The following ANKS1B variants were observed in gnomAD, a reference collection of about 807,000 sequenced individuals.
ANKS1B encodes the protein ankyrin repeat and sterile alpha motif domain containing 1B.
In ANKS1B, 36 loss-of-function variants were observed where a neutral mutation model predicts 148.3. The observed-to-expected ratio is 0.24, with a 90% CI of 0.19 to 0.32. The LOEUF is 0.32. Among genes scored for constraint, ANKS1B ranks in the 10% least tolerant of loss-of-function variants. The probability of loss-of-function intolerance (pLI) is 1.00; values close to 1 mark genes in which losing one functional copy is unlikely to be tolerated. For synonymous variants in ANKS1B, 542 were observed against 560.8 expected (o/e 0.97, Z 0.47); for missense variants, 1,157 against 1,542.6 (o/e 0.75, Z 4.19).
intron 17 of ANKS1B, among the ~76,000 whole-genome samples, chr12:99,017,662 A>G (rs1435923619): frequency 6.6e-6 from 1 of 152,112 alleles, no homozygotes; most frequent in African/African-American, 2.4e-5. Flanking sequence ...CTGCCCACCA[A>G]ATTGTCCACA....
chr12:98,957,311 ATATTTATTTATTTATTTATT>A (rs71782750), intron 17 of ANKS1B, among the ~76,000 whole-genome samples: 60,079 of 143,886 alleles, frequency 0.42, 12,787 homozygotes, highest in African/African-American at 0.49. Context: ...TTTTTTTTAA[ATATTTATTTATTTATTTATT>A]TATTTATTTA....
intron 17 of ANKS1B, among the ~76,000 whole-genome samples, chr12:98,983,599 G>A (rs146539986): frequency 4.7e-3 from 709 of 152,258 alleles, no homozygotes; most frequent in African/African-American, 0.016. Context: ...TAGCCAGACT[G>A]GCCCCATGAT....
At chr12:99,982,154 T>C (rs916168455) in intron 1 of ANKS1B, among the ~76,000 whole-genome samples, 22 of 152,120 alleles carry the variant, frequency 1.4e-4, no homozygotes, top group Non-Finnish European at 2.8e-4. Context: ...AAACACATGT[T>C]GTTTACTTTT....
chr12:99,304,200 G>T (rs1297950856), intron 12 of ANKS1B, among the ~76,000 whole-genome samples: 1 of 151,960 alleles, frequency 6.6e-6, no homozygotes, highest in Non-Finnish European at 1.5e-5. Flanking sequence ...ACTGTTTTCG[G>T]TAGTGGTTGT....
rs114237645 is a variant in ANKS1B, at chr12:99,919,592, G to C, written c.134+64512C>G. ...AGCAGGTAGACCCAGCCATAGGAAA[G>C]AAAACTTAAATACTACTCAGCAATA... is the stretch of plus-strand genomic sequence containing the variant. On this transcript the variant is annotated intron_variant, in intron 1 of 26. Coordinates refer to ENST00000683438, the MANE Select transcript of ANKS1B (RefSeq NM_001352186.2). Among the ~76,000 whole-genome samples, 1,324 of 152,232 alleles carry C rather than the reference G, an allele frequency of 8.7e-3. 24 individuals are homozygous for C. The highest frequency in any genetic ancestry group is 0.03 in the African/African-American group (1,258 of 41,546).
At chr12:99,034,266 G>C (rs928801734) in intron 17 of ANKS1B, among the ~76,000 whole-genome samples, 1 of 152,182 alleles carries the variant, frequency 6.6e-6, no homozygotes, top group African/African-American at 2.4e-5. Context: ...AGTAGAGCTT[G>C]GAGGCTATAG....
intron 16 of ANKS1B, among the ~76,000 whole-genome samples, chr12:99,059,788 CATATATAT>C (rs759625732): frequency 2.2e-5 from 2 of 90,322 alleles, no homozygotes; most frequent in Admixed American, 1.4e-4. Flanking sequence ...AACTAAAATT[CATATATAT>C]ATATATATAT....
chr12:99,778,318 G>A (rs1404525025), intron 6 of ANKS1B, among the ~76,000 whole-genome samples: 1 of 151,932 alleles, frequency 6.6e-6, no homozygotes, highest in Non-Finnish European at 1.5e-5. Flanking sequence ...GACCAGACTG[G>A]CCAACATGGT....
At chr12:99,144,307 A>C (rs2072161891) in intron 15 of ANKS1B, among the ~76,000 whole-genome samples, 1 of 150,882 alleles carries the variant, frequency 6.6e-6, no homozygotes, top group South Asian at 2.1e-4. Context: ...TAGGGCTAGA[A>C]AGGTGACAAG....
intron 1 of ANKS1B, among the ~76,000 whole-genome samples, chr12:99,925,084 G>C (rs575090426): frequency 3.3e-5 from 5 of 152,130 alleles, no homozygotes; most frequent in South Asian, 2.1e-4. Context: ...GAGTGCGAGG[G>C]TGGCTGGGGG....
chr12:99,570,280 T>C (rs2097438764), intron 9 of ANKS1B, among the ~76,000 whole-genome samples: 1 of 151,884 alleles, frequency 6.6e-6, no homozygotes, highest in Admixed American at 6.6e-5. Flanking sequence ...ATATGAGCTG[T>C]ATAGCAAATG....
In ANKS1B at chr12:99,637,872, G is replaced by GA. The variant is rs200358106; in HGVS notation, c.1272+17194dup. Among the ~76,000 whole-genome samples the GA allele has an allele frequency of 8.2e-3, 1,225 of 150,260 alleles. 23 individuals are homozygous for GA. Among genetic ancestry groups the GA allele is most frequent in the African/African-American group, 0.029 (1,171 of 40,918 alleles). On this transcript the variant is annotated intron_variant, in intron 9 of 26. Coordinates refer to ENST00000683438, the MANE Select transcript of ANKS1B (RefSeq NM_001352186.2). Reference sequence around the variant, plus strand: ...AGAGAGAGAGAGAGACATAAAGAGAGAAAAAAAGAGAGAGAGATCCTGTTA... The same window carrying GA: ...AGAGAGAGAGAGAGACATAAAGAGAGAAAAAAAAGAGAGAGAGATCCTGTTA...
At chr12:98,821,743 G>A (rs2099194540) in intron 19 of ANKS1B, among the ~76,000 whole-genome samples, 1 of 152,108 alleles carries the variant, frequency 6.6e-6, no homozygotes, top group Non-Finnish European at 1.5e-5. Flanking sequence ...GAGTAGCTGG[G>A]ATTACAGACA....
At position 99,623,478 on chromosome 12, in the gene ANKS1B, A is replaced by AGAGG. The variant is rs544074702; in HGVS notation, c.1272+31588_1272+31589insCCTC. ...AAGTCAAACTCTCTTCTTACTGACG[A>AGAGG]TATGATCCTATACCTAGAATACCCT... On this transcript the variant is annotated intron_variant, in intron 9 of 26. Transcript: ENST00000683438. Among the ~76,000 whole-genome samples the AGAGG allele has an allele frequency of 3.9e-5, 6 of 152,152 alleles. No homozygotes were observed. The East Asian group carries it at 1.2e-3, about 29-fold the overall frequency.
At chr12:98,852,256 T>A (rs1156447834) in intron 17 of ANKS1B, among the ~76,000 whole-genome samples, 2 of 151,982 alleles carry the variant, frequency 1.3e-5, no homozygotes, top group Non-Finnish European at 2.9e-5. Context: ...GGGTGCTCAA[T>A]GAATAGTTGC....
intron 9 of ANKS1B, among the ~76,000 whole-genome samples, chr12:99,557,359 T>A (rs538015531): frequency 5.3e-5 from 8 of 152,344 alleles, no homozygotes; most frequent in East Asian, 1.9e-4. Flanking sequence ...TTCATTTTTT[T>A]AATTCTTTTT....
At chr12:99,655,711 A>G (rs2098446717) in intron 8 of ANKS1B, among the ~76,000 whole-genome samples, 2 of 152,168 alleles carry the variant, frequency 1.3e-5, no homozygotes, top group South Asian at 2.1e-4. Flanking sequence ...AGACTTCCAT[A>G]TTTAGCACAT....
chr12:99,154,103 C>T (rs1372393663), intron 15 of ANKS1B, among the ~76,000 whole-genome samples, 186 bp downstream of exon 15: 3 of 152,138 alleles, frequency 2.0e-5, no homozygotes. Flanking sequence ...ATACAGATCT[C>T]ATTTTTTAGC....
chr12:99,037,888 T>A (rs917607673), intron 17 of ANKS1B, among the ~76,000 whole-genome samples: 2 of 152,288 alleles, frequency 1.3e-5, no homozygotes, highest in East Asian at 3.9e-4. Context: ...GTCTTAAGGA[T>A]GTAGTCAAGT....
Sources: allele counts gnomAD v4.1 joint callset (sites outside exome capture counted in the v4.1 genomes callset), GRCh38; gene constraint gnomAD v4.1.1; transcripts MANE v1.5; gene names NCBI Gene and HGNC (gene_info 2026-07-23, HGNC 2026-07-21).